Variants in HELQ observed in about 807,000 individuals in gnomAD.
HELQ encodes the protein helicase, POLQ like, also known as helicase POLQ-like.
HELQ carries 77 observed loss-of-function variants against 111.6 expected under a neutral mutation model. The observed-to-expected ratio is 0.69, with a 90% CI of 0.57 to 0.83. The LOEUF is 0.83. Ranked by LOEUF, HELQ falls within the 40% of genes least tolerant of loss-of-function variation. The pLI, the probability that HELQ is intolerant of heterozygous loss-of-function variation, is 0.00. For missense variants in HELQ, 1,200 were observed against 1,288.5 expected (o/e 0.93, Z 1.05); for synonymous variants, 438 against 454.7 (o/e 0.96, Z 0.47).
Position 83,429,751 on chromosome 4 carries a change from A to G in HELQ, c.2296-5T>C. Reference sequence around the variant, plus strand: ...GTCATCAAGATTCGTTGCAATCTGAAACAATTCAGGATATCATTGGAGCAT... The same window carrying G: ...GTCATCAAGATTCGTTGCAATCTGAGACAATTCAGGATATCATTGGAGCAT... On this transcript the variant is annotated splice_polypyrimidine_tract_variant and splice_region_variant and intron_variant, in intron 11 of 17. Transcript: ENST00000295488. The G allele has an allele frequency of 1.3e-6, 2 of 1,588,248 alleles. No individual in the cohort carries two copies. The highest frequency in any genetic ancestry group is 1.1e-5 in the South Asian group (1 of 89,750).
chr4:83,438,748 GAAAAA>G (rs200715200), intron 8 of HELQ, among the ~76,000 whole-genome samples: 1 of 104,284 alleles, frequency 9.6e-6, no homozygotes. Context: ...CCTGTCTCAG[GAAAAA>G]AAAAAAAAAA....
At chr4:83,452,923 CTT>C (rs1721474650) in intron 2 of HELQ, among the ~76,000 whole-genome samples, 1 of 152,152 alleles carries the variant, frequency 6.6e-6, no homozygotes, top group South Asian at 2.1e-4. Flanking sequence ...TTTGGCATGT[CTT>C]TGAACCAGAA....
rs548453072 is a variant in HELQ at position 83,455,781 on chromosome 4, C to G, written c.-88G>C. 2 of 1,302,578 alleles carry G rather than the reference C, an allele frequency of 1.5e-6. No individual in the cohort carries two copies. Among genetic ancestry groups the G allele is most frequent in the Non-Finnish European group, 2.1e-6 (2 of 939,124 alleles). The allele number at this position is 1,302,578 out of a possible 1,614,324, so 80.7% of individuals were successfully genotyped here. ...GAAGGGAGAGTGGGACGCCGGAGCC[C>G]GCTTCTACATCCACCTTGGGAAAAG... On this transcript the variant is annotated 5_prime_UTR_variant, in exon 1 of 18. Transcript: ENST00000295488.
At chr4:83,451,517 T>A (rs995591776) in intron 2 of HELQ, among the ~76,000 whole-genome samples, 1 of 149,130 alleles carries the variant, frequency 6.7e-6, no homozygotes, top group African/African-American at 2.6e-5. Context: ...AAAAAAAAAA[T>A]TAGCCGGGCG....
intron 17 of HELQ, among the ~76,000 whole-genome samples, chr4:83,408,290 T>G (rs533225705): frequency 6.6e-6 from 1 of 152,234 alleles, no homozygotes; most frequent in South Asian, 2.1e-4. Context: ...TCTTGTTCTG[T>G]CGCCTGGCTG....
At position 83,414,703 on chromosome 4, in the gene HELQ, C is replaced by T. The variant is rs373630301; in HGVS notation, c.3198+2028G>A. Among the ~76,000 whole-genome samples the T allele has an allele frequency of 2.8e-3, 428 of 152,224 alleles. 1 individual carries two copies. Among genetic ancestry groups the T allele is most frequent in the African/African-American group, 9.7e-3 (403 of 41,532 alleles). On this transcript the variant is annotated intron_variant, in intron 17 of 17. Transcript: ENST00000295488. Reference sequence around the variant, plus strand: ...TGAATAAATAAAGGAAAAGCTTTTCCTCACAGTAAAACATCAGTAAATAAA... The same window carrying T: ...TGAATAAATAAAGGAAAAGCTTTTCTTCACAGTAAAACATCAGTAAATAAA...
intron 17 of HELQ, among the ~76,000 whole-genome samples, chr4:83,412,630 A>G (rs1374676447): frequency 6.6e-6 from 1 of 152,226 alleles, no homozygotes; most frequent in Non-Finnish European, 1.5e-5. Context: ...GTTCAAGACC[A>G]GCCTGGGCAA....
rs1720598079 is a variant in HELQ at position 83,438,746 on chromosome 4, AGG to A, written c.1808+1115_1808+1116del. Among the ~76,000 whole-genome samples the A allele has an allele frequency of 1.9e-4, 21 of 113,506 alleles. 1 individual carries two copies. In the South Asian group the frequency reaches 7.2e-3, roughly 39 times the overall value. 74.5% of individuals were successfully genotyped at this position (113,506 alleles called of 152,430 possible). ...AGGTGACAGAGTGAGACCCTGTCTCAGGAAAAAAAAAAAAAAAAAAGGAAAAG... is the reference window on the plus strand; with the variant it reads ...AGGTGACAGAGTGAGACCCTGTCTCAAAAAAAAAAAAAAAAAAAGGAAAAG... On this transcript the variant is annotated intron_variant, in intron 8 of 17. Transcript: ENST00000295488.
rs1323527888 is a variant in HELQ at position 83,419,427 on chromosome 4, T to G, written c.2950-1221A>C. Reference sequence around the variant, plus strand: ...ATCCCTGCCTCTATTGATAATAATTTGAAAAATTATATACATGTAATATAT... The same window carrying G: ...ATCCCTGCCTCTATTGATAATAATTGGAAAAATTATATACATGTAATATAT... On this transcript the variant is annotated intron_variant, in intron 15 of 17. Transcript: ENST00000295488. Among the ~76,000 whole-genome samples the G allele has an allele frequency of 3.4e-5, 5 of 149,054 alleles. No homozygotes were observed. The Admixed American group carries it at 3.4e-4, about 10-fold the overall frequency.
At chr4:83,409,483 G>A (rs1578058702) in intron 17 of HELQ, among the ~76,000 whole-genome samples, 1 of 152,038 alleles carries the variant, frequency 6.6e-6, no homozygotes, top group Non-Finnish European at 1.5e-5. Context: ...GAACCTGGGA[G>A]GCGGAGCTTG....
intron 2 of HELQ, 194 bp downstream of exon 2, chr4:83,453,037 T>A (rs962468465): frequency 1.4e-5 from 7 of 512,996 alleles, no homozygotes. Flanking sequence ...GTTTGATAAG[T>A]GTGACTGTGA....
At chr4:83,435,438 T>A (rs1037951045) in intron 9 of HELQ, among the ~76,000 whole-genome samples, 7 of 151,970 alleles carry the variant, frequency 4.6e-5, no homozygotes, top group Admixed American at 4.6e-4. Context: ...AGGAAAAAAA[T>A]TGAATCTAGA....
intron 10 of HELQ, 107 bp from the exon 11 acceptor site, chr4:83,431,875 C>T (rs1199236435): frequency 3.9e-6 from 2 of 514,658 alleles, no homozygotes; most frequent in Non-Finnish European, 6.4e-6. Context: ...CAGAAGGAGA[C>T]CAAAAAAGTA....
rs753086855 is a variant in HELQ, at chr4:83,453,334, C to T, written c.909G>A (p.Lys303=). 1.2e-6 allele frequency: 2 copies of T among 1,613,644 alleles called. No individual in the cohort carries two copies. The highest frequency in any genetic ancestry group is 8.5e-7 in the Non-Finnish European group (1 of 1,179,844). Residue 303 remains lysine (K), a synonymous_variant, in exon 2 of 18, where the codon AAG becomes AAA. Transcript: ENST00000295488. ...CATTTGATGATGACTCAACTGTTTT[C>T]TTAGCAACATTAATTTCCTCAGATA... is the stretch of plus-strand genomic sequence containing the variant. ...TLLSEEINVA[K]KTVESSSNDL...
intron 8 of HELQ, among the ~76,000 whole-genome samples, chr4:83,437,920 GT>G (rs2109996488): frequency 1.3e-5 from 2 of 152,064 alleles, no homozygotes; most frequent in South Asian, 4.1e-4. Context: ...ATCCTACAAT[GT>G]TTCCATCACT....
In HELQ at chr4:83,440,010, T is replaced by C. The variant is rs749978571; in HGVS notation, c.1663-2A>G. 7 of 1,604,692 alleles carry C rather than the reference T, an allele frequency of 4.4e-6. No homozygotes were observed. In the South Asian group the frequency reaches 4.5e-5, roughly 10 times the overall value. On this transcript the variant is annotated splice_acceptor_variant, in intron 7 of 17. Transcript: ENST00000295488. LOFTEE classifies it high-confidence loss of function. ...CATCTTTTTTAGGGTATCAGAATAC[T>C]GCAAAACAACAAGATGTAGGAACAA...
At position 83,441,495 on chromosome 4, in the gene HELQ, C is replaced by T. The variant is rs182705879; in HGVS notation, c.1564-92G>A. The stretch of plus-strand genomic sequence containing the variant: ...TGTAAAATAGGTTAAGAAAGGACAG[C>T]TATAAAAGAGTTTAGCTTTTCTAAG... On this transcript the variant is annotated intron_variant, in intron 6 of 17. Transcript: ENST00000295488. 37 of 606,994 alleles carry T rather than the reference C, an allele frequency of 6.1e-5. No homozygotes were observed. In the African/African-American group the frequency reaches 6.8e-4, roughly 11 times the overall value. The allele number at this position is 606,994 out of a possible 1,614,324, so 37.6% of individuals were successfully genotyped here. A position where few individuals can be genotyped will look rare whatever the true frequency, so the allele number is the denominator to read the frequency against.
chr4:83,445,331 A>T (rs1459329987), intron 5 of HELQ, among the ~76,000 whole-genome samples: 1 of 152,186 alleles, frequency 6.6e-6, no homozygotes, highest in Non-Finnish European at 1.5e-5. Context: ...GGTGATCAAT[A>T]TTTTTTTGAA....
intron 17 of HELQ, among the ~76,000 whole-genome samples, chr4:83,408,276 G>A (rs1738896544): frequency 6.6e-6 from 1 of 151,836 alleles, no homozygotes; most frequent in East Asian, 1.9e-4. Flanking sequence ...TTTTTTAGAC[G>A]GAGTCTTGTT....
Sources: allele counts gnomAD v4.1 joint callset (sites outside exome capture counted in the v4.1 genomes callset), GRCh38; gene constraint gnomAD v4.1.1; transcripts MANE v1.5; gene names NCBI Gene and HGNC (gene_info 2026-07-23, HGNC 2026-07-21).